The following SDHAF4 variants were observed in gnomAD, a reference collection of about 807,000 sequenced individuals.
The protein encoded by SDHAF4 is succinate dehydrogenase complex assembly factor 4.
In SDHAF4, 14 loss-of-function variants were observed where a neutral mutation model predicts 14.3. The observed-to-expected ratio is 0.98, with a 90% CI of 0.65 to 1.53. The LOEUF is 1.53. Ranked by LOEUF, SDHAF4 falls within the 40% of genes most tolerant of loss-of-function variation. The pLI, the probability that SDHAF4 is intolerant of heterozygous loss-of-function variation, is 0.00. For missense variants in SDHAF4, 141 were observed against 129.3 expected, an observed-to-expected ratio of 1.09 and a Z score of -0.44; for synonymous variants, 63 against 47.3, an observed-to-expected ratio of 1.33 and a Z score of -1.36.
chr6:70,584,922 G>C (rs12190556), intron 2 of SDHAF4, among the ~76,000 whole-genome samples: 58,534 of 152,030 alleles, frequency 0.39, 11,774 homozygotes, highest in Middle Eastern at 0.49. Flanking sequence ...TTGATCCCAT[G>C]CAAGAAGACA....
chr6:70,578,855 T>TG (rs1802287156), intron 1 of SDHAF4, among the ~76,000 whole-genome samples: 1 of 152,134 alleles, frequency 6.6e-6, no homozygotes, highest in African/African-American at 2.4e-5. Context: ...CATAAAACAA[T>TG]CTTTTTTTAG....
downstream of SDHAF4, among the ~76,000 whole-genome samples, chr6:70,593,125 A>C (rs1002722330): frequency 6.6e-6 from 1 of 152,214 alleles, no homozygotes; most frequent in Non-Finnish European, 1.5e-5. Context: ...TGCCACTCCA[A>C]AAGGTCCAAG....
intron 1 of SDHAF4, among the ~76,000 whole-genome samples, chr6:70,568,697 G>A (rs927629466): frequency 6.6e-6 from 1 of 152,136 alleles, no homozygotes; most frequent in African/African-American, 2.4e-5. Flanking sequence ...CCTGGAGTAT[G>A]TTATAGGTCT....
chr6:70,567,652 C>T (rs1373784585), intron 1 of SDHAF4: 1 of 151,456 alleles, frequency 6.6e-6, no homozygotes, highest in Non-Finnish European at 1.5e-5. Context: ...GCAGCCCAGA[C>T]TATGCAAAAC....
At chr6:70,578,593 A>G (rs947389529) in intron 1 of SDHAF4, among the ~76,000 whole-genome samples, 7 of 145,952 alleles carry the variant, frequency 4.8e-5, no homozygotes, top group Admixed American at 2.0e-4. Context: ...CCATTTGTCA[A>G]TTTGTTGTTG....
At chr6:70,589,813 C>G (rs572801639), downstream of SDHAF4, among the ~76,000 whole-genome samples, 1 of 152,262 alleles carries the variant, frequency 6.6e-6, no homozygotes, top group African/African-American at 2.4e-5. Context: ...GATAATAATA[C>G]TTTTGATACT....
At chr6:70,568,694 T>C (rs940911988) in intron 1 of SDHAF4, among the ~76,000 whole-genome samples, 1 of 152,110 alleles carries the variant, frequency 6.6e-6, no homozygotes, top group African/African-American at 2.4e-5. Context: ...ATTCCTGGAG[T>C]ATGTTATAGG....
the SDHAF4 span, among the ~76,000 whole-genome samples, chr6:70,597,842 C>T: frequency 4.6e-5 from 7 of 152,172 alleles, no homozygotes; most frequent in African/African-American, 1.7e-4. Flanking sequence ...ACTAAGATTC[C>T]TGGTTATATA....
chr6:70,570,328 A>C (rs966948161), intron 1 of SDHAF4, among the ~76,000 whole-genome samples: 9 of 152,060 alleles, frequency 5.9e-5, no homozygotes, highest in African/African-American at 2.2e-4. Flanking sequence ...CTCCCTGTCT[A>C]ATCCTTTTTT....
At chr6:70,574,271 G>T (rs1802222326) in intron 1 of SDHAF4, among the ~76,000 whole-genome samples, 1 of 151,106 alleles carries the variant, frequency 6.6e-6, no homozygotes, top group East Asian at 2.0e-4. Context: ...AGTGAGCTGA[G>T]ATCACACCAC....
At chr6:70,593,375 C>T (rs1002503021), downstream of SDHAF4, among the ~76,000 whole-genome samples, 1 of 152,262 alleles carries the variant, frequency 6.6e-6, no homozygotes, top group Non-Finnish European at 1.5e-5. Flanking sequence ...GAGAACCCCT[C>T]TGCTAGGGCA....
At chr6:70,597,299 A>ATTTTTTTTTTTTTTTTTT in the SDHAF4 span, among the ~76,000 whole-genome samples, 39 of 108,068 alleles carry the variant, frequency 3.6e-4, no homozygotes, top group African/African-American at 5.1e-4. Flanking sequence ...CGCCTGGCTA[A>ATTTTTTTTTTTTTTTTTT]TTTTTTTTTT....
At chr6:70,590,326 G>T (rs1765247529), downstream of SDHAF4, among the ~76,000 whole-genome samples, 1 of 152,206 alleles carries the variant, frequency 6.6e-6, no homozygotes, top group Non-Finnish European at 1.5e-5. Flanking sequence ...ACTCAGTGGA[G>T]TTTAGGGCTT....
chr6:70,581,057 G>A (rs750456367), intron 2 of SDHAF4, among the ~76,000 whole-genome samples: 2 of 151,964 alleles, frequency 1.3e-5, no homozygotes, highest in Non-Finnish European at 2.9e-5. Context: ...TCAGCCTCCC[G>A]AGTAGCTGGG....
intron 1 of SDHAF4, 74 bp downstream of exon 1, chr6:70,567,078 G>T: frequency 7.1e-7 from 1 of 1,406,344 alleles, no homozygotes; most frequent in South Asian, 1.2e-5. Context: ...AGCGCCTCCC[G>T]CGGAGGAAGC....
At chr6:70,575,901 G>T (rs1318855726) in intron 1 of SDHAF4, among the ~76,000 whole-genome samples, 3 of 151,874 alleles carry the variant, frequency 2.0e-5, no homozygotes, top group African/African-American at 4.9e-5. Flanking sequence ...GTTAAAAGAG[G>T]CTTTTGTTTT....
chr6:70,592,969 G>A (rs1312429639), downstream of SDHAF4, among the ~76,000 whole-genome samples: 1 of 152,210 alleles, frequency 6.6e-6, no homozygotes, highest in Non-Finnish European at 1.5e-5. Flanking sequence ...CAGGCCCAGA[G>A]GCCTAAAATG....
At chr6:70,588,589 C>G (rs1213647354) in intron 2 of SDHAF4, 26 bp from the exon 3 acceptor site, 2 of 1,280,390 alleles carry the variant, frequency 1.6e-6, no homozygotes, top group South Asian at 1.3e-5. Flanking sequence ...CCATTAACTG[C>G]TTTATTTATA....
rs56012930 is a variant in SDHAF4, at chr6:70,587,168, TCACA to T, written c.218-1420_218-1417del. Among the ~76,000 whole-genome samples, 177 of 135,548 alleles carry T rather than the reference TCACA, an allele frequency of 1.3e-3. 2 individuals carry two copies. The East Asian group carries it at 0.024, about 18-fold the overall frequency. 88.9% of individuals were successfully genotyped at this position (135,548 alleles called of 152,430 possible). The stretch of plus-strand genomic sequence containing the variant: ...CCTGGGCAATAAGAGTGAAACTCCA[TCACA>T]CACACACACACACACACACACACAC... On this transcript the variant is annotated intron_variant, in intron 2 of 2. Coordinates refer to ENST00000370474, the MANE Select transcript of SDHAF4 (RefSeq NM_145267.3).
Sources: allele counts gnomAD v4.1 joint callset (sites outside exome capture counted in the v4.1 genomes callset), GRCh38; gene constraint gnomAD v4.1.1; transcripts MANE v1.5; gene names NCBI Gene and HGNC (gene_info 2026-07-23, HGNC 2026-07-21).